LARGE1: variants seen among roughly 807,000 people sequenced by gnomAD.
LARGE1 encodes the protein LARGE xylosyl- and glucuronyltransferase 1, also known as xylosyl- and glucuronyltransferase LARGE1.
In LARGE1, 43 loss-of-function variants were observed where a neutral mutation model predicts 87.6. The observed-to-expected ratio is 0.49, with a 90% CI of 0.38 to 0.63. The LOEUF (loss-of-function observed/expected upper bound fraction) is 0.63. LARGE1 is among the 30% of genes least tolerant of loss of function. The pLI is 0.00. For missense variants in LARGE1, 802 were observed against 1,000.2 expected, an observed-to-expected ratio of 0.80 and a Z score of 2.67; for synonymous variants, 434 against 394.6, an observed-to-expected ratio of 1.10 and a Z score of -1.18.
At chr22:33,921,539 G>A (rs776896859), upstream of LARGE1, among the ~76,000 whole-genome samples, 4 of 152,178 alleles carry the variant, frequency 2.6e-5, no homozygotes, top group Admixed American at 6.5e-5. This position sits in a 1 kb window ranked among gnomAD's most constrained non-coding sequence, Gnocchi z 4.1. Context: ...CATGCTGTGG[G>A]GCAGCCGGAG....
chr22:33,552,441 C>T (rs951775762), intron 6 of LARGE1, among the ~76,000 whole-genome samples: 22 of 149,452 alleles, frequency 1.5e-4, no homozygotes, highest in African/African-American at 5.4e-4. Flanking sequence ...ACACGGGAGA[C>T]ACAAGCACGA....
intron 11 of LARGE1, among the ~76,000 whole-genome samples, chr22:33,175,161 T>A (rs1300975255): frequency 6.6e-6 from 1 of 152,158 alleles, no homozygotes; most frequent in Non-Finnish European, 1.5e-5. Context: ...ACCCCTGGGA[T>A]GCAAAGCTGG....
At chr22:33,705,306 A>G (rs1028530618) in intron 2 of LARGE1, among the ~76,000 whole-genome samples, 10 of 152,172 alleles carry the variant, frequency 6.6e-5, no homozygotes, top group African/African-American at 2.2e-4. Flanking sequence ...TTTCTTTTAG[A>G]GTCTATATTT....
At chr22:33,524,145 G>A (rs2071753784) in intron 6 of LARGE1, among the ~76,000 whole-genome samples, 1 of 151,946 alleles carries the variant, frequency 6.6e-6, no homozygotes, top group African/African-American at 2.4e-5. Context: ...ACAAAAATTA[G>A]CAGGGCGTGG....
chr22:33,158,626 T>C (rs545111082), downstream of LARGE1, among the ~76,000 whole-genome samples: 2 of 152,282 alleles, frequency 1.3e-5, no homozygotes, highest in Non-Finnish European at 2.9e-5. Flanking sequence ...GGCCTCTCCA[T>C]GGGAATTGTA....
intron 6 of LARGE1, among the ~76,000 whole-genome samples, chr22:33,443,888 C>G (rs986934232): frequency 6.6e-6 from 1 of 152,258 alleles, no homozygotes; most frequent in African/African-American, 2.4e-5. Context: ...GCTGCCGCCA[C>G]CTCTCAGACG....
intron 1 of LARGE1, among the ~76,000 whole-genome samples, chr22:33,764,339 C>T (rs1222176239): frequency 6.6e-6 from 1 of 152,154 alleles, no homozygotes; most frequent in Non-Finnish European, 1.5e-5. Flanking sequence ...TCAGGACCCC[C>T]CACAGATACC....
intron 12 of LARGE1, among the ~76,000 whole-genome samples, chr22:33,301,295 T>G (rs977542131): frequency 3.3e-5 from 5 of 152,130 alleles, no homozygotes; most frequent in Non-Finnish European, 7.3e-5. Context: ...TCCTCATTGA[T>G]TCTCATAAAT....
At chr22:33,261,466 C>G (rs2145748150) in intron 11 of LARGE1, among the ~76,000 whole-genome samples, 1 of 152,218 alleles carries the variant, frequency 6.6e-6, no homozygotes, top group South Asian at 2.1e-4. Flanking sequence ...GGCCATTTTT[C>G]TGTGTCCCAA....
chr22:33,789,784 A>G (rs1340306958), intron 1 of LARGE1, among the ~76,000 whole-genome samples: 2 of 152,304 alleles, frequency 1.3e-5, no homozygotes, highest in African/African-American at 4.8e-5. Context: ...AATGTCTCCA[A>G]TTTGGAATGG....
At chr22:33,867,766 G>C (rs1452615844) in intron 1 of LARGE1, among the ~76,000 whole-genome samples, 1 of 152,154 alleles carries the variant, frequency 6.6e-6, no homozygotes, top group Non-Finnish European at 1.5e-5. Context: ...AGTAAAAATA[G>C]TGCATGCTTC....
intron 5 of LARGE1, among the ~76,000 whole-genome samples, chr22:33,597,314 C>T (rs1223762525): frequency 2.0e-5 from 3 of 151,220 alleles, no homozygotes; most frequent in South Asian, 2.1e-4. Flanking sequence ...AAGTATTAAG[C>T]CTTCTTCCCA....
chr22:33,749,908 A>C (rs2084248881), intron 2 of LARGE1, among the ~76,000 whole-genome samples: 1 of 152,130 alleles, frequency 6.6e-6, no homozygotes, highest in East Asian at 1.9e-4. Context: ...TGCAGAATAA[A>C]GGACCTTTTT....
chr22:33,139,235 G>C, the LARGE1 span, among the ~76,000 whole-genome samples: 1 of 152,226 alleles, frequency 6.6e-6, no homozygotes, highest in Non-Finnish European at 1.5e-5. Flanking sequence ...ATCTCATTGT[G>C]CTTTTAATTT....
chr22:33,868,493 C>G (rs185703824), intron 1 of LARGE1, among the ~76,000 whole-genome samples: 1 of 152,208 alleles, frequency 6.6e-6, no homozygotes, highest in East Asian at 1.9e-4. Context: ...TTAGGTGATG[C>G]TCCCCACGTG....
intron 11 of LARGE1, among the ~76,000 whole-genome samples, chr22:33,219,786 C>T (rs182288104): frequency 3.9e-4 from 59 of 152,214 alleles, no homozygotes; most frequent in South Asian, 1.2e-3. Context: ...AGAACTCAGA[C>T]GCCATGCCTG....
chr22:33,094,007 C>G, the LARGE1 span, among the ~76,000 whole-genome samples: 1 of 151,810 alleles, frequency 6.6e-6, no homozygotes, highest in Admixed American at 6.6e-5. Flanking sequence ...CTGCCTCGGT[C>G]TCCCAAAGTG....
downstream of LARGE1, among the ~76,000 whole-genome samples, chr22:33,159,292 A>G (rs953697869): frequency 5.3e-5 from 8 of 152,228 alleles, no homozygotes; most frequent in Non-Finnish European, 1.0e-4. Context: ...TATTTGTTGT[A>G]TATACTAATT....
chr22:33,428,929 C>A (rs1292833826), intron 7 of LARGE1, among the ~76,000 whole-genome samples: 173 of 105,374 alleles, frequency 1.6e-3, no homozygotes, highest in South Asian at 3.6e-3. Flanking sequence ...GACTCTGTCT[C>A]AAAAAAAAAG....
Sources: gnomAD v4.1 joint callset for allele counts (sites outside exome capture counted in the v4.1 genomes callset) on GRCh38, gnomAD v4.1.1 for gene constraint, Gnocchi (gnomAD v3.1) non-coding constraint, MANE v1.5 for transcripts, NCBI Gene and HGNC (gene_info 2026-07-23, HGNC 2026-07-21) for gene names.